Variants in NLRP5 observed in about 807,000 individuals in gnomAD.
NLRP5 encodes the protein NACHT, LRR and PYD domains-containing protein 5.
Under a neutral mutation model 113.1 loss-of-function variants are expected in NLRP5, and 93 were observed. The observed-to-expected ratio is 0.82, with a 90% CI of 0.70 to 0.98. The LOEUF is 0.98. Ranked by LOEUF, NLRP5 falls within the 50% of genes least tolerant of loss-of-function variation. The probability of loss-of-function intolerance (pLI) is 0.00; values close to 1 mark genes in which losing one functional copy is unlikely to be tolerated. For synonymous variants in NLRP5, 751 were observed against 600.7 expected (o/e 1.25, Z -3.66); for missense variants, 1,808 against 1,514.3 (o/e 1.19, Z -3.22).
intron 2 of NLRP5, among the ~76,000 whole-genome samples, chr19:56,007,918 T>TACAAGACA (rs1982004111): frequency 6.6e-5 from 5 of 75,668 alleles, no homozygotes; most frequent in Admixed American, 1.3e-4. Flanking sequence ...TGTGTGTGTG[T>TACAAGACA]GTGTGTGTGT....
At chr19:56,009,387 C>A (rs931970526) in intron 3 of NLRP5, among the ~76,000 whole-genome samples, 12 of 135,924 alleles carry the variant, frequency 8.8e-5, no homozygotes, top group African/African-American at 3.0e-4. Flanking sequence ...GGCTTTCTTA[C>A]AACTTGAGGA....
chr19:56,057,257 G>C (rs141628063), intron 13 of NLRP5, among the ~76,000 whole-genome samples: 224 of 152,298 alleles, frequency 1.5e-3, no homozygotes, highest in African/African-American at 4.5e-3. Flanking sequence ...TTTCAGAGCA[G>C]CTTACGGATT....
At chr19:56,015,677 A>G (rs1982375862) in intron 3 of NLRP5, 65 bp from the exon 4 acceptor site, 2 of 1,354,602 alleles carry the variant, frequency 1.5e-6, no homozygotes, top group South Asian at 3.0e-5. Context: ...GGGGTGTCCA[A>G]CATCTCTGAT....
intron 10 of NLRP5, among the ~76,000 whole-genome samples, chr19:56,039,900 GCA>G (rs2123322005): frequency 6.6e-6 from 1 of 151,850 alleles, no homozygotes; most frequent in East Asian, 1.9e-4. Flanking sequence ...GGCAACAAGC[GCA>G]AAACTCCATC....
chr19:55,995,930 CATTT>C (rs1191105223), upstream of NLRP5, among the ~76,000 whole-genome samples: 2 of 151,992 alleles, frequency 1.3e-5, no homozygotes, highest in Non-Finnish European at 2.9e-5. Context: ...ATACTGAGTT[CATTT>C]ATTATATAAA....
chr19:56,049,030 G>A (rs1481830859), intron 11 of NLRP5, among the ~76,000 whole-genome samples: 1 of 137,302 alleles, frequency 7.3e-6, no homozygotes, highest in Admixed American at 7.7e-5. Context: ...CACCCAGGCT[G>A]GAGTGCAGTG....
At chr19:55,995,790 T>G (rs960879652), upstream of NLRP5, among the ~76,000 whole-genome samples, 6 of 152,188 alleles carry the variant, frequency 3.9e-5, no homozygotes, top group Non-Finnish European at 8.8e-5. Context: ...TATAGATATT[T>G]CTTACCTCCT....
intron 4 of NLRP5, among the ~76,000 whole-genome samples, chr19:56,018,107 T>A (rs948599009): frequency 6.6e-6 from 1 of 152,202 alleles, no homozygotes. Context: ...TTCATTTGCG[T>A]CCCAAACGCA....
chr19:56,016,821 A>AT (rs367994084), intron 4 of NLRP5, among the ~76,000 whole-genome samples: 17 of 151,898 alleles, frequency 1.1e-4, no homozygotes, highest in Admixed American at 8.5e-4. Context: ...TATACACCAC[A>AT]TTTTTTTAAG....
In NLRP5 at chr19:56,027,614, A is replaced by G; in HGVS notation, c.1381A>G (p.Asn461Asp). 6.2e-7 allele frequency: 1 copy of G among 1,613,818 alleles called. No homozygotes were observed. The highest frequency in any genetic ancestry group is 8.5e-7 in the Non-Finnish European group (1 of 1,179,896). ...ACAAGGGTTGCGTGCGATCATGAAC[A>G]ACCGTGAGCTGCTCGACCAGTGCCA... The change falls in exon 7 of 15, where the codon AAC (asparagine) becomes GAC (aspartate). Residue 461 changes from asparagine to aspartate, a missense_variant. Physicochemically the swap from Asn to Asp is conservative, Grantham distance 23. Transcript: ENST00000390649.
chr19:56,039,768 G>T (rs534492260), intron 10 of NLRP5, among the ~76,000 whole-genome samples: 1 of 152,210 alleles, frequency 6.6e-6, no homozygotes, highest in East Asian at 1.9e-4. Context: ...AAAAAAATTA[G>T]CTGTGCATGG....
intron 3 of NLRP5, among the ~76,000 whole-genome samples, chr19:56,010,016 AATG>A (rs1458025619): frequency 6.6e-6 from 1 of 152,192 alleles, no homozygotes; most frequent in Non-Finnish European, 1.5e-5. Flanking sequence ...TAAGTTACCA[AATG>A]GTGGCTTAGA....
intron 13 of NLRP5, among the ~76,000 whole-genome samples, chr19:56,056,917 A>G (rs1300831406): frequency 6.6e-6 from 1 of 152,172 alleles, no homozygotes; most frequent in African/African-American, 2.4e-5. Flanking sequence ...AGGCCAGTGG[A>G]TCACTTGAGG....
chr19:56,023,523 C>T (rs558972220), intron 6 of NLRP5, among the ~76,000 whole-genome samples: 33 of 152,286 alleles, frequency 2.2e-4, no homozygotes, highest in East Asian at 9.6e-4. Context: ...ACATGCTGAG[C>T]GGTGCGTTGA....
chr19:56,001,113 A>C (rs1456566514), intron 1 of NLRP5, among the ~76,000 whole-genome samples: 1 of 151,622 alleles, frequency 6.6e-6, no homozygotes, highest in Non-Finnish European at 1.5e-5. Context: ...ACTTGAGCCC[A>C]GGAGTTTGAA....
At chr19:56,054,890 G>T (rs1211470847) in intron 13 of NLRP5, among the ~76,000 whole-genome samples, 1 of 151,914 alleles carries the variant, frequency 6.6e-6, no homozygotes, top group Non-Finnish European at 1.5e-5. Flanking sequence ...CACTGACCAT[G>T]CACTAGTCTT....
intron 7 of NLRP5, among the ~76,000 whole-genome samples, chr19:56,030,352 A>T (rs1983049070): frequency 6.6e-6 from 1 of 152,136 alleles, no homozygotes; most frequent in African/African-American, 2.4e-5. Context: ...CCTGGGTGAC[A>T]GAGTGAGACT....
intron 10 of NLRP5, among the ~76,000 whole-genome samples, chr19:56,040,635 C>T (rs976108700): frequency 2.6e-5 from 4 of 152,162 alleles, no homozygotes; most frequent in African/African-American, 7.2e-5. Context: ...AGCCTTACAT[C>T]ATAGCCATGT....
chr19:56,058,773 T>G (rs1273048105), intron 14 of NLRP5, among the ~76,000 whole-genome samples: 4 of 152,200 alleles, frequency 2.6e-5, no homozygotes, highest in Admixed American at 6.5e-5. Context: ...TTCACACCCA[T>G]GTTCATAGTG....
Sources: gnomAD v4.1 joint callset for allele counts (sites outside exome capture counted in the v4.1 genomes callset) on GRCh38, gnomAD v4.1.1 for gene constraint, MANE v1.5 for transcripts, NCBI Gene and HGNC (gene_info 2026-07-23, HGNC 2026-07-21) for gene names.